NEMP2: variants seen among roughly 807,000 people sequenced by gnomAD.
NEMP2 encodes nuclear envelope integral membrane protein 2, also known as UPF0571 transmembrane protein.
In NEMP2, 53 loss-of-function variants were observed where a neutral mutation model predicts 54.2. That is an observed-to-expected ratio of 0.98 (90% CI 0.78 to 1.23). The LOEUF (loss-of-function observed/expected upper bound fraction) is 1.23, where lower values mean the gene tolerates loss of function less well. NEMP2 is among the 50% of genes most tolerant of loss of function. The pLI, the probability that NEMP2 is intolerant of heterozygous loss-of-function variation, is 0.00. For missense variants in NEMP2, 455 were observed against 511.3 expected, an observed-to-expected ratio of 0.89 and a Z score of 1.06; for synonymous variants, 197 against 190.3, an observed-to-expected ratio of 1.04 and a Z score of -0.29.
chr2:190,603,407 C>T, the NEMP2 span, among the ~76,000 whole-genome samples: 1 of 151,724 alleles, frequency 6.6e-6, no homozygotes, highest in Non-Finnish European at 1.5e-5. Context: ...GGTCAAGGCC[C>T]GGGTCATTTG....
At chr2:190,476,264 A>C in the NEMP2 span, among the ~76,000 whole-genome samples, 3 of 152,216 alleles carry the variant, frequency 2.0e-5, no homozygotes, top group African/African-American at 7.2e-5. Flanking sequence ...ATCAGAGTGA[A>C]CAGGCAACCT....
At chr2:190,581,319 GA>G in the NEMP2 span, among the ~76,000 whole-genome samples, 1 of 151,916 alleles carries the variant, frequency 6.6e-6, no homozygotes. Flanking sequence ...ATTTGGAATG[GA>G]AAAAAATATA....
the NEMP2 span, among the ~76,000 whole-genome samples, chr2:190,449,915 A>G: frequency 1.2e-4 from 19 of 152,262 alleles, no homozygotes; most frequent in East Asian, 5.8e-4. Context: ...CCTAATGCTA[A>G]ATGACGAGTT....
At chr2:190,542,661 C>T in the NEMP2 span, among the ~76,000 whole-genome samples, 2 of 152,020 alleles carry the variant, frequency 1.3e-5, no homozygotes, top group Non-Finnish European at 2.9e-5. This position sits in a 1 kb window ranked among gnomAD's most constrained non-coding sequence, Gnocchi z 4.6. Context: ...ATCTATTCTG[C>T]TGTTGAGAAC....
chr2:190,583,516 T>G, the NEMP2 span, among the ~76,000 whole-genome samples: 3 of 152,352 alleles, frequency 2.0e-5, no homozygotes, highest in African/African-American at 4.8e-5. Context: ...AGTGTAAATT[T>G]GGATTATACT....
the NEMP2 span, among the ~76,000 whole-genome samples, chr2:190,489,336 TAAC>T: frequency 6.6e-6 from 1 of 152,218 alleles, no homozygotes; most frequent in Admixed American, 6.5e-5. This position sits in a 1 kb window ranked among gnomAD's most constrained non-coding sequence, Gnocchi z 6.6. Context: ...CCAGGAATCT[TAAC>T]TACTCAGTCA....
At chr2:190,490,545 C>T in the NEMP2 span, among the ~76,000 whole-genome samples, 5 of 151,046 alleles carry the variant, frequency 3.3e-5, no homozygotes, top group Non-Finnish European at 7.4e-5. This position sits in a 1 kb window ranked among gnomAD's most constrained non-coding sequence, Gnocchi z 4.5. Flanking sequence ...CCTGGGGGAA[C>T]GAGCAAGACT....
At chr2:190,542,636 T>A in the NEMP2 span, among the ~76,000 whole-genome samples, 1 of 152,222 alleles carries the variant, frequency 6.6e-6, no homozygotes, top group Non-Finnish European at 1.5e-5. The surrounding 1 kb of genome is among the most constrained non-coding windows in gnomAD (Gnocchi z 4.6). Context: ...GCTCACTGAT[T>A]CTTTCCTCTG....
the NEMP2 span, chr2:190,490,014 G>T: frequency 1.6e-6 from 1 of 619,394 alleles, no homozygotes; most frequent in East Asian, 2.8e-5. This position sits in a 1 kb window ranked among gnomAD's most constrained non-coding sequence, Gnocchi z 4.5. Flanking sequence ...AATTCATGTG[G>T]ACTATTGTTA....
At chr2:190,549,059 T>C in the NEMP2 span, among the ~76,000 whole-genome samples, 2 of 151,826 alleles carry the variant, frequency 1.3e-5, no homozygotes, top group African/African-American at 2.4e-5. Flanking sequence ...CTCTTTTCCT[T>C]ATGATATATC....
the NEMP2 span, among the ~76,000 whole-genome samples, chr2:190,552,413 C>T: frequency 1.3e-5 from 2 of 152,136 alleles, no homozygotes; most frequent in Admixed American, 1.3e-4. Flanking sequence ...GTCATCTTCC[C>T]AGAACCCACT....
intron 2 of NEMP2, among the ~76,000 whole-genome samples, chr2:190,524,020 T>G (rs1690843769): frequency 6.7e-6 from 1 of 148,268 alleles, no homozygotes; most frequent in African/African-American, 2.5e-5. Context: ...ATGGGCAACA[T>G]GGCAAAACCC....
upstream of NEMP2, chr2:190,534,772 G>A: frequency 1.4e-6 from 1 of 720,464 alleles, no homozygotes; most frequent in South Asian, 6.5e-5. Context: ...CCGAACGCGG[G>A]AAAGGCGGAG....
At chr2:190,551,392 T>C in the NEMP2 span, among the ~76,000 whole-genome samples, 1 of 151,908 alleles carries the variant, frequency 6.6e-6, no homozygotes, top group African/African-American at 2.4e-5. Context: ...TTTTCTTCTT[T>C]TTTCAATTTT....
At chr2:190,551,443 C>T in the NEMP2 span, among the ~76,000 whole-genome samples, 1 of 148,190 alleles carries the variant, frequency 6.7e-6, no homozygotes, top group East Asian at 2.0e-4. Flanking sequence ...TTTCTTTGCT[C>T]TTCTGTTTCT....
the NEMP2 span, among the ~76,000 whole-genome samples, chr2:190,547,099 T>G: frequency 6.6e-6 from 1 of 152,248 alleles, no homozygotes; most frequent in Non-Finnish European, 1.5e-5. This position sits in a 1 kb window ranked among gnomAD's most constrained non-coding sequence, Gnocchi z 6.2. Flanking sequence ...CACCTTCTCG[T>G]CAGACTCCTC....
the NEMP2 span, among the ~76,000 whole-genome samples, chr2:190,481,300 A>C: frequency 9.7e-4 from 148 of 152,314 alleles, no homozygotes; most frequent in African/African-American, 3.3e-3. Context: ...AGCAACTCAT[A>C]TATTTTTTTA....
chr2:190,598,367 C>T, the NEMP2 span, among the ~76,000 whole-genome samples: 2 of 152,206 alleles, frequency 1.3e-5, no homozygotes, highest in Non-Finnish European at 2.9e-5. Context: ...AAGATGCTTA[C>T]AAGTGTTTTT....
the NEMP2 span, among the ~76,000 whole-genome samples, chr2:190,549,841 A>C: frequency 1.3e-5 from 2 of 152,234 alleles, no homozygotes; most frequent in African/African-American, 4.8e-5. Flanking sequence ...ATTAGATTTC[A>C]AAGCAAAACG....
Sources: gnomAD v4.1 joint callset for allele counts (sites outside exome capture counted in the v4.1 genomes callset) on GRCh38, gnomAD v4.1.1 for gene constraint, Gnocchi (gnomAD v3.1) non-coding constraint, MANE v1.5 for transcripts, NCBI Gene and HGNC (gene_info 2026-07-23, HGNC 2026-07-21) for gene names.